Variants in DNA2 observed in about 807,000 individuals in gnomAD.
The protein encoded by DNA2 is DNA replication helicase/nuclease 2.
In DNA2, 101 loss-of-function variants were observed where a neutral mutation model predicts 119.1. The ratio of observed to expected loss-of-function variants is 0.85; its 90% confidence interval spans 0.72 to 1.00. DNA2 has a LOEUF of 1.00. Ranked by LOEUF, DNA2 falls within the 50% of genes least tolerant of loss-of-function variation. The pLI is 0.00. For missense variants in DNA2, 1,121 were observed against 1,255.5 expected (o/e 0.89, Z 1.62); for synonymous variants, 366 against 424.4 (o/e 0.86, Z 1.69).
chr10:68,426,758 G>A (rs2051747260), intron 14 of DNA2, among the ~76,000 whole-genome samples: 1 of 151,786 alleles, frequency 6.6e-6, no homozygotes, highest in South Asian at 2.1e-4. Flanking sequence ...AGAATGGCGT[G>A]AACCCGGGAG....
rs1472266004 is a variant in DNA2 at position 68,471,965 on chromosome 10, C to G, written c.-101G>C. On this transcript the variant is annotated 5_prime_UTR_variant, in exon 1 of 21. Transcript: ENST00000358410. ...GAAAAAGGCGCGAGCCTGCGCACCT[C>G]GCGCGCATGCGCCAACCCGCAGATG... is the stretch of plus-strand genomic sequence containing the variant. 6.2e-7 allele frequency: 1 copy of G among 1,612,204 alleles called. No individual in the cohort carries two copies. Among genetic ancestry groups the G allele is most frequent in the Non-Finnish European group, 8.5e-7 (1 of 1,178,730 alleles).
At chr10:68,434,221 A>C (rs891817336) in intron 10 of DNA2, among the ~76,000 whole-genome samples, 7 of 151,980 alleles carry the variant, frequency 4.6e-5, no homozygotes, top group Admixed American at 6.6e-5. Flanking sequence ...GCTGCAGTGA[A>C]CTGAGATCGT....
intron 12 of DNA2, 29 bp downstream of exon 12, chr10:68,432,177 T>A (rs746582640): frequency 7.6e-6 from 11 of 1,440,050 alleles, no homozygotes; most frequent in South Asian, 1.2e-5. Context: ...GAAAAATTAA[T>A]CAAAGCAGAC....
chr10:68,453,535 G>C (rs967349559), intron 5 of DNA2, among the ~76,000 whole-genome samples: 18 of 152,128 alleles, frequency 1.2e-4, no homozygotes, highest in Non-Finnish European at 2.2e-4. Flanking sequence ...GTCATCCATT[G>C]TATAACAATG....
chr10:68,424,962 T>C (rs1051776453), intron 14 of DNA2: 6 of 642,890 alleles, frequency 9.3e-6, no homozygotes, highest in African/African-American at 7.3e-5. Context: ...GAAAGGCAAA[T>C]ATAAGGAGGA....
At chr10:68,424,756 A>G in intron 14 of DNA2, 1 of 1,480,170 alleles carries the variant, frequency 6.8e-7, no homozygotes, top group East Asian at 2.3e-5. Flanking sequence ...AAAGGTCAGC[A>G]AATTGGCAAG....
At chr10:68,454,088 C>T (rs2052154089) in intron 5 of DNA2, among the ~76,000 whole-genome samples, 1 of 152,108 alleles carries the variant, frequency 6.6e-6, no homozygotes, top group Non-Finnish European at 1.5e-5. Context: ...TCTATTATCT[C>T]CTTCTATGCC....
At chr10:68,431,646 G>A (rs1487820580) in intron 13 of DNA2, among the ~76,000 whole-genome samples, 1 of 152,124 alleles carries the variant, frequency 6.6e-6, no homozygotes, top group Non-Finnish European at 1.5e-5. Flanking sequence ...TACCACTAAC[G>A]GAAAGCGATC....
Position 68,422,336 on chromosome 10 carries a change from G to A in DNA2, c.2586C>T (p.His862=). 1 of 1,613,856 alleles carries A rather than the reference G, an allele frequency of 6.2e-7. No homozygotes were observed. The highest frequency in any genetic ancestry group is 8.5e-7 in the Non-Finnish European group (1 of 1,179,878). The change falls in exon 17 of 21, where the codon CAC becomes CAT. Residue 862 remains histidine, a synonymous_variant. Coordinates refer to ENST00000358410, the MANE Select transcript of DNA2 (RefSeq NM_001080449.3). ...CCAGTTCCAGCTTCACATCTTTAAAGTGACGTAGGTTTATCACTGCATTGG... is the reference window on the plus strand; with the variant it reads ...CCAGTTCCAGCTTCACATCTTTAAAATGACGTAGGTTTATCACTGCATTGG... ...KVANAVINLR[H]FKDVKLELEF...
At chr10:68,426,154 C>T (rs1188025452) in intron 14 of DNA2, among the ~76,000 whole-genome samples, 3 of 151,742 alleles carry the variant, frequency 2.0e-5, no homozygotes, top group African/African-American at 7.3e-5. Context: ...AAACCTTCAG[C>T]ATCTGGGGCT....
In DNA2 at chr10:68,471,729, T is replaced by C. The variant is rs2052384100; in HGVS notation, c.74+62A>G. The C allele has an allele frequency of 6.0e-6, 9 of 1,489,746 alleles. No individual in the cohort carries two copies. The South Asian group carries it at 9.7e-5, about 16-fold the overall frequency. The allele number at this position is 1,489,746 out of a possible 1,614,324, so 92.3% of individuals were successfully genotyped here. On this transcript the variant is annotated intron_variant, in intron 1 of 20. Coordinates refer to ENST00000358410, the MANE Select transcript of DNA2 (RefSeq NM_001080449.3). ...AGTCTGAGGCGGTGCGGACGCAGCCTCTCCCGCTCCTTCTTTCAAATCTCC... is the reference window on the plus strand; with the variant it reads ...AGTCTGAGGCGGTGCGGACGCAGCCCCTCCCGCTCCTTCTTTCAAATCTCC...
chr10:68,427,385 T>G (rs1420090127), intron 14 of DNA2, among the ~76,000 whole-genome samples: 1 of 150,330 alleles, frequency 6.7e-6, no homozygotes, highest in Non-Finnish European at 1.5e-5. Context: ...TATGGCTGGA[T>G]GCAGTGGCTC....
Position 68,422,778 on chromosome 10 carries a change from C to A in DNA2, c.2321G>T (p.Gly774Val). The change falls in exon 15 of 21, where the codon GGC becomes GTC. Residue 774 changes from glycine (G) to valine (V), a missense_variant. By Grantham distance (109) the Gly-to-Val change is moderately radical. Transcript: ENST00000358410. ...AAATCTCCGTGAAAAAAAAAGGGGG[C>A]CCAGACAAATTGGTTGGCTAATTTG... ...ASQISQPICLGPLFFSRRFVL... is the reference protein window; with the variant it reads ...ASQISQPICLVPLFFSRRFVL... 6.2e-7 allele frequency: 1 copy of A among 1,610,542 alleles called. No homozygotes were observed. Among genetic ancestry groups the A allele is most frequent in the Middle Eastern group, 1.7e-4 (1 of 6,044 alleles).
At position 68,465,761 on chromosome 10, in the gene DNA2, C is replaced by G; in HGVS notation, c.493G>C (p.Val165Leu). 1 of 1,607,132 alleles carries G rather than the reference C, an allele frequency of 6.2e-7. No homozygotes were observed. The highest frequency in any genetic ancestry group is 8.5e-7 in the Non-Finnish European group (1 of 1,176,864). The change falls in exon 4 of 21, where the codon GTG becomes CTG. Residue 165 changes from valine to leucine, a missense_variant. Val to Leu is a conservative substitution (Grantham distance 32, BLOSUM62 1). Coordinates refer to ENST00000358410, the MANE Select transcript of DNA2 (RefSeq NM_001080449.3). Reference protein sequence around the residue: ...QMLIGTVLHEVFQKAINNSFA... With the variant: ...QMLIGTVLHELFQKAINNSFA... ...CTATTATTTATGGCTTTTTGAAACA[C>G]CTCATGGAGAACCGTACCAATTAGC...
At chr10:68,437,662 CAAAAACA>C (rs1421371178) in intron 9 of DNA2, among the ~76,000 whole-genome samples, 1,371 of 18,586 alleles carry the variant, frequency 0.074, 20 homozygotes, top group African/African-American at 0.09. Flanking sequence ...AAAACAAAAA[CAAAAACA>C]AAAACAAAAC....
chr10:68,446,433 T>A lies in DNA2; in HGVS notation c.940-20A>T. 7.0e-7 allele frequency: 1 copy of A among 1,434,062 alleles called. No homozygotes were observed. Among genetic ancestry groups the A allele is most frequent in the Non-Finnish European group, 9.6e-7 (1 of 1,045,796 alleles). 88.8% of individuals were successfully genotyped at this position (1,434,062 alleles called of 1,614,324 possible). ...AACAACCTGTGCAAACATTGACATT[T>A]GCTCAAACAAAACTATAACTTCTTG... On this transcript the variant is annotated intron_variant, in intron 6 of 20. Coordinates refer to ENST00000358410, the MANE Select transcript of DNA2 (RefSeq NM_001080449.3).
rs556723627 is a variant in DNA2, at chr10:68,471,789, ACAGCTCCGCCGG to A, written c.64_74+1del. 7.3e-4 allele frequency: 1,164 copies of A among 1,598,546 alleles called. 16 individuals carry two copies. The South Asian group carries it at 0.012, about 17-fold the overall frequency. Reference sequence around the variant, plus strand: ...CCCACACCCTCCCCCCTCTCCGCTCACAGCTCCGCCGGCAGCTCCGCCTCCTCCCAAAAACTC... The same window carrying A: ...CCCACACCCTCCCCCCTCTCCGCTCACAGCTCCGCCTCCTCCCAAAAACTC... On this transcript the variant is annotated splice_donor_variant and coding_sequence_variant, in exon 1 of 21. Transcript: ENST00000358410. LOFTEE classifies it high-confidence loss of function.
chr10:68,420,145 C>A (rs1474678082), intron 17 of DNA2, among the ~76,000 whole-genome samples: 1 of 152,228 alleles, frequency 6.6e-6, no homozygotes, highest in Non-Finnish European at 1.5e-5. Flanking sequence ...CACTGAGCTT[C>A]AAATACTTCA....
chr10:68,448,980 T>TA (rs2052081445), intron 6 of DNA2, among the ~76,000 whole-genome samples: 4 of 142,188 alleles, frequency 2.8e-5, no homozygotes, highest in Admixed American at 6.8e-5. Context: ...TGTGTGTGTG[T>TA]GTGTGTAGTA....
Sources: gnomAD v4.1 joint callset for allele counts (sites outside exome capture counted in the v4.1 genomes callset) on GRCh38, gnomAD v4.1.1 for gene constraint, MANE v1.5 for transcripts, NCBI Gene and HGNC (gene_info 2026-07-23, HGNC 2026-07-21) for gene names.